TSPAN18: variants seen among roughly 807,000 people sequenced by gnomAD.
TSPAN18 encodes the protein tetraspanin-18.
Under a neutral mutation model 27.3 loss-of-function variants are expected in TSPAN18, and 14 were observed. That is an observed-to-expected ratio of 0.51 (90% CI 0.34 to 0.80). TSPAN18 has a LOEUF of 0.80. TSPAN18 is among the 30% of genes least tolerant of loss of function. The pLI is 0.01. For synonymous variants in TSPAN18, 143 were observed against 136.5 expected (o/e 1.05, Z -0.33); for missense variants, 268 against 323.9 (o/e 0.83, Z 1.32).
intron 2 of TSPAN18, among the ~76,000 whole-genome samples, chr11:44,847,475 C>T (rs1857509248): frequency 6.6e-6 from 1 of 152,240 alleles, no homozygotes; most frequent in Non-Finnish European, 1.5e-5. Flanking sequence ...CTTATCAGAA[C>T]TTCATTACTT....
At chr11:44,796,329 G>A (rs74803761) in intron 2 of TSPAN18, among the ~76,000 whole-genome samples, 5 of 152,128 alleles carry the variant, frequency 3.3e-5, no homozygotes, top group African/African-American at 1.2e-4. Context: ...CAGTTTTTAC[G>A]ATGTTTTTGC....
At chr11:44,796,347 T>C (rs889513360) in intron 2 of TSPAN18, among the ~76,000 whole-genome samples, 7 of 152,174 alleles carry the variant, frequency 4.6e-5, no homozygotes, top group Non-Finnish European at 8.8e-5. Context: ...TGCTGATTCA[T>C]GGGAAATGGA....
At chr11:44,910,314 G>A (rs994274984) in intron 5 of TSPAN18, among the ~76,000 whole-genome samples, 3 of 152,224 alleles carry the variant, frequency 2.0e-5, no homozygotes, top group Non-Finnish European at 4.4e-5. Flanking sequence ...GTCTGTGTCC[G>A]CATGCCAGGA....
intron 7 of TSPAN18, among the ~76,000 whole-genome samples, 166 bp downstream of exon 7, chr11:44,919,478 C>T (rs1860043224): frequency 6.6e-6 from 1 of 152,232 alleles, no homozygotes; most frequent in Admixed American, 6.5e-5. Flanking sequence ...GCCACTTGAT[C>T]ACAGTCCCTA....
chr11:44,802,952 C>T (rs978641686), intron 2 of TSPAN18, among the ~76,000 whole-genome samples: 12 of 152,192 alleles, frequency 7.9e-5, no homozygotes, highest in Admixed American at 4.6e-4. Flanking sequence ...AGTGGAGGGA[C>T]CCATGTTTGG....
At chr11:44,805,104 C>T (rs1323073679) in intron 2 of TSPAN18, among the ~76,000 whole-genome samples, 5 of 152,170 alleles carry the variant, frequency 3.3e-5, no homozygotes, top group African/African-American at 4.8e-5. Flanking sequence ...CAACCATGGG[C>T]GGGAGCAGCC....
intron 2 of TSPAN18, among the ~76,000 whole-genome samples, chr11:44,842,233 G>T (rs1857388573): frequency 1.3e-5 from 2 of 152,192 alleles, no homozygotes; most frequent in African/African-American, 2.4e-5. Flanking sequence ...AACCGTGGCT[G>T]CCCCTTGCCC....
At position 44,926,787 on chromosome 11, in the gene TSPAN18, C is replaced by T. The variant is rs751101012; in HGVS notation, c.699+30C>T. 36 of 1,606,988 alleles carry T rather than the reference C, an allele frequency of 2.2e-5. 1 individual carries two copies. In the East Asian group the frequency reaches 2.9e-4, roughly 13 times the overall value. Reference sequence around the variant, plus strand: ...GTAAAGGCCCCCACTTCTGCCGCTCCCCAGGATGAAGCCTCACGTGGAGCC... The same window carrying T: ...GTAAAGGCCCCCACTTCTGCCGCTCTCCAGGATGAAGCCTCACGTGGAGCC... On this transcript the variant is annotated intron_variant, in intron 9 of 9. Transcript: ENST00000520358.
At chr11:44,910,253 T>C (rs1308237767) in intron 5 of TSPAN18, among the ~76,000 whole-genome samples, 1 of 152,208 alleles carries the variant, frequency 6.6e-6, no homozygotes, top group African/African-American at 2.4e-5. Flanking sequence ...CCCACTTCAT[T>C]TTGCTGCTTT....
At chr11:44,864,635 T>G (rs1251674835) in intron 3 of TSPAN18, among the ~76,000 whole-genome samples, 2 of 152,124 alleles carry the variant, frequency 1.3e-5, no homozygotes, top group Non-Finnish European at 2.9e-5. Flanking sequence ...AATGGACTGG[T>G]CCAGTGTTGC....
At chr11:44,731,633 T>TGTGTGTGTGTGTGTGAGAGAGA (rs139154582) in intron 1 of TSPAN18, among the ~76,000 whole-genome samples, 58 of 107,434 alleles carry the variant, frequency 5.4e-4, no homozygotes, top group South Asian at 1.1e-3. Context: ...TGTGTGTGTG[T>TGTGTGTGTGTGTGTGAGAGAGA]GAGAGAGAGA....
At chr11:44,803,235 A>G (rs1261825303) in intron 2 of TSPAN18, among the ~76,000 whole-genome samples, 1 of 152,188 alleles carries the variant, frequency 6.6e-6, no homozygotes, top group Non-Finnish European at 1.5e-5. Flanking sequence ...AGAGAAGCCA[A>G]GAAAGGATTT....
At chr11:44,817,217 A>T (rs1590522495) in intron 2 of TSPAN18, among the ~76,000 whole-genome samples, 1 of 152,240 alleles carries the variant, frequency 6.6e-6, no homozygotes, top group East Asian at 1.9e-4. Flanking sequence ...GCCTGCCCTC[A>T]CTGTGAGCTT....
intron 8 of TSPAN18, among the ~76,000 whole-genome samples, chr11:44,923,719 C>A (rs544115000): frequency 6.6e-6 from 1 of 152,264 alleles, no homozygotes; most frequent in South Asian, 2.1e-4. Flanking sequence ...GACCCCTCCT[C>A]CCCGAGGGCT....
intron 2 of TSPAN18, among the ~76,000 whole-genome samples, chr11:44,821,960 G>T (rs1321625405): frequency 1.3e-5 from 2 of 152,162 alleles, no homozygotes; most frequent in East Asian, 1.9e-4. Flanking sequence ...GGTGACCTTG[G>T]CTGGGTCTGC....
intron 2 of TSPAN18, among the ~76,000 whole-genome samples, chr11:44,793,106 G>T (rs1050108699): frequency 3.3e-5 from 5 of 152,178 alleles, no homozygotes; most frequent in African/African-American, 1.2e-4. Flanking sequence ...TGTCTGTTGT[G>T]CCTCAGAGTT....
chr11:44,786,666 C>T (rs1366158008), intron 2 of TSPAN18, among the ~76,000 whole-genome samples: 1 of 131,234 alleles, frequency 7.6e-6, no homozygotes, highest in African/African-American at 2.9e-5. Context: ...GAGTTTCACT[C>T]TGTTGCCCAG....
intron 1 of TSPAN18, among the ~76,000 whole-genome samples, chr11:44,733,002 A>G (rs4373909): frequency 0.69 from 104,510 of 152,024 alleles, 38,508 homozygotes; most frequent in Non-Finnish European, 0.84. Context: ...TGTGGCATCC[A>G]AAGTTACTGC....
At chr11:44,780,599 A>T (rs148530271) in intron 2 of TSPAN18, among the ~76,000 whole-genome samples, 1 of 152,166 alleles carries the variant, frequency 6.6e-6, no homozygotes, top group African/African-American at 2.4e-5. Flanking sequence ...CATGGTTCTG[A>T]TATTTGTTGA....
Sources: gnomAD v4.1 joint callset for allele counts (sites outside exome capture counted in the v4.1 genomes callset) on GRCh38, gnomAD v4.1.1 for gene constraint, MANE v1.5 for transcripts, NCBI Gene and HGNC (gene_info 2026-07-23, HGNC 2026-07-21) for gene names.